The following PCSK5 variants were observed in gnomAD, a reference collection of about 807,000 sequenced individuals.
PCSK5 encodes the protein prohormone convertase 5.
In PCSK5, 129 loss-of-function variants were observed where a neutral mutation model predicts 233.2. The observed-to-expected ratio is 0.55, with a 90% CI of 0.48 to 0.64. The LOEUF is 0.64. Among genes scored for constraint, PCSK5 ranks in the 30% least tolerant of loss-of-function variants. PCSK5 has a pLI of 0.00. For missense variants in PCSK5, 2,076 were observed against 2,430.1 expected, an observed-to-expected ratio of 0.85 and a Z score of 3.06; for synonymous variants, 825 against 879.2, an observed-to-expected ratio of 0.94 and a Z score of 1.09.
intron 27 of PCSK5, among the ~76,000 whole-genome samples, chr9:76,297,091 G>A (rs1010982446): frequency 6.6e-6 from 1 of 152,162 alleles, no homozygotes; most frequent in Non-Finnish European, 1.5e-5. Context: ...GAGCCCAAAG[G>A]GCAATTTATA....
chr9:76,313,037 T>G (rs1828910959), intron 30 of PCSK5, among the ~76,000 whole-genome samples: 1 of 152,198 alleles, frequency 6.6e-6, no homozygotes. Flanking sequence ...CCAGGTATTG[T>G]GCTAAGGGCT....
chr9:75,968,469 G>T (rs1419836362), intron 2 of PCSK5, among the ~76,000 whole-genome samples: 1 of 152,210 alleles, frequency 6.6e-6, no homozygotes, highest in African/African-American at 2.4e-5. Context: ...TCTTCCAGAG[G>T]AATATGCTTC....
chr9:75,931,419 G>A (rs942145300), intron 1 of PCSK5, among the ~76,000 whole-genome samples: 8 of 152,168 alleles, frequency 5.3e-5, no homozygotes, highest in African/African-American at 1.7e-4. Context: ...GAATCTGGGC[G>A]CTGCAGTGGT....
chr9:76,303,980 C>CG (rs1828698861), intron 28 of PCSK5, among the ~76,000 whole-genome samples: 1 of 151,990 alleles, frequency 6.6e-6, no homozygotes, highest in Non-Finnish European at 1.5e-5. Flanking sequence ...AAGACCAGCC[C>CG]GGGCAAAATG....
chr9:76,228,899 A>G (rs1370440358), intron 21 of PCSK5, among the ~76,000 whole-genome samples: 3 of 152,128 alleles, frequency 2.0e-5, no homozygotes, highest in African/African-American at 7.2e-5. Flanking sequence ...TATTCCCCAC[A>G]GTGATCAACA....
intron 27 of PCSK5, 124 bp from the exon 28 acceptor site, chr9:76,302,013 G>A: frequency 2.6e-6 from 1 of 390,672 alleles, no homozygotes. Context: ...ATGAAGATGA[G>A]ACATCCATGT....
At chr9:76,005,966 C>A (rs917202028) in intron 3 of PCSK5, among the ~76,000 whole-genome samples, 2 of 152,004 alleles carry the variant, frequency 1.3e-5, no homozygotes, top group African/African-American at 4.8e-5. Context: ...CCACCTCAGC[C>A]TCCAAGTGAC....
chr9:76,036,598 T>A (rs2131517982), intron 5 of PCSK5, among the ~76,000 whole-genome samples: 1 of 152,336 alleles, frequency 6.6e-6, no homozygotes, highest in Admixed American at 6.5e-5. Context: ...TGTCTGGGGT[T>A]GCTATTTGAC....
chr9:76,102,285 C>G (rs73456428), intron 8 of PCSK5, among the ~76,000 whole-genome samples: 4,258 of 152,246 alleles, frequency 0.028, 201 homozygotes, highest in African/African-American at 0.095. Flanking sequence ...CCCTCTGAGC[C>G]TCTATTTCCT....
In PCSK5 at chr9:76,100,771, T is replaced by G. The variant is rs552719913; in HGVS notation, c.1107+4669T>G. Among the ~76,000 whole-genome samples the G allele has an allele frequency of 2.0e-5, 3 of 152,308 alleles. No homozygotes were observed. The East Asian group carries it at 5.8e-4, about 29-fold the overall frequency. On this transcript the variant is annotated intron_variant, in intron 8 of 37. Transcript: ENST00000674117. ...ATTTTGAATTTCATTCCTTTACCCT[T>G]TTTCATACCCCCTCACACAGTTGAA...
intron 7 of PCSK5, 46 bp downstream of exon 7, chr9:76,071,944 G>T (rs1449012627): frequency 9.8e-6 from 15 of 1,536,714 alleles, no homozygotes; most frequent in Non-Finnish European, 1.3e-5. Context: ...GATGGGTGAT[G>T]ATTCTCATAT....
chr9:76,019,086 G>T (rs1032982304), intron 3 of PCSK5, among the ~76,000 whole-genome samples: 1 of 152,122 alleles, frequency 6.6e-6, no homozygotes, highest in African/African-American at 2.4e-5. Flanking sequence ...GGTTACCTAG[G>T]CTGATTAAGT....
intron 23 of PCSK5, 54 bp downstream of exon 23, chr9:76,239,219 C>G: frequency 7.1e-7 from 1 of 1,413,424 alleles, no homozygotes; most frequent in South Asian, 1.2e-5. Flanking sequence ...GGAGGGGCTG[C>G]ACCCTGGATG....
chr9:76,358,228 G>A (rs562299244), intron 37 of PCSK5, among the ~76,000 whole-genome samples: 7 of 152,184 alleles, frequency 4.6e-5, no homozygotes, highest in Non-Finnish European at 1.0e-4. Context: ...GAGACAGGCC[G>A]GGTGCGGTGG....
rs111743826 is a variant in PCSK5 at position 76,084,347 on chromosome 9, C to G, written c.895-11543C>G. On this transcript the variant is annotated intron_variant, in intron 7 of 37. Transcript: ENST00000674117. ...GGAGAGGAACACAAATCTATTCTAA[C>G]CTTGTGTAGGTGCAAATTTCAAATT... Among the ~76,000 whole-genome samples, 568 of 152,256 alleles carry G rather than the reference C, an allele frequency of 3.7e-3. 5 individuals carry two copies. Among genetic ancestry groups the G allele is most frequent in the South Asian group, 0.024 (117 of 4,822 alleles).
At position 76,323,189 on chromosome 9, in the gene PCSK5, G is replaced by C; in HGVS notation, c.4240G>C (p.Glu1414Gln). The change falls in exon 32 of 38, where the codon GAG becomes CAG. Residue 1414 changes from glutamate to glutamine, a missense_variant. Glu to Gln is a conservative substitution (Grantham distance 29). Coordinates refer to ENST00000674117, the MANE Select transcript of PCSK5 (RefSeq NM_001372043.1). ...ECSGPKADDC[E>Q]LCLESSWVLY... ...CAGTGGCCCCAAAGCCGACGACTGC[G>C]AGCTCTGTCTTGAGAGTTCCTGGGT... 2.5e-6 allele frequency: 4 copies of C among 1,612,692 alleles called. No homozygotes were observed. The highest frequency in any genetic ancestry group is 3.4e-6 in the Non-Finnish European group (4 of 1,179,804).
At chr9:75,959,809 C>T (rs1047057751) in intron 2 of PCSK5, among the ~76,000 whole-genome samples, 1 of 152,180 alleles carries the variant, frequency 6.6e-6, no homozygotes, top group Non-Finnish European at 1.5e-5. Context: ...GTGCTGGGCA[C>T]AACACTGTGC....
intron 7 of PCSK5, among the ~76,000 whole-genome samples, chr9:76,082,250 C>T (rs1428082413): frequency 6.6e-6 from 1 of 152,198 alleles, no homozygotes; most frequent in Admixed American, 6.5e-5. Context: ...TGGCTTGGCT[C>T]CTTGGCATGG....
intron 10 of PCSK5, among the ~76,000 whole-genome samples, chr9:76,135,132 T>C (rs1473000641): frequency 6.6e-6 from 1 of 152,074 alleles, no homozygotes; most frequent in Admixed American, 6.6e-5. Context: ...AGACCGTTGG[T>C]AACATGGTCC....
Sources: gnomAD v4.1 joint callset for allele counts (sites outside exome capture counted in the v4.1 genomes callset) on GRCh38, gnomAD v4.1.1 for gene constraint, MANE v1.5 for transcripts, NCBI Gene and HGNC (gene_info 2026-07-23, HGNC 2026-07-21) for gene names.